Variants in PDS5A observed in about 807,000 individuals in gnomAD.
PDS5A encodes the protein sister chromatid cohesion protein PDS5 homolog A.
In PDS5A, 42 loss-of-function variants were observed where a neutral mutation model predicts 167.1. That is an observed-to-expected ratio of 0.25 (90% CI 0.20 to 0.33). PDS5A has a LOEUF of 0.33. Among genes scored for constraint, PDS5A ranks in the 10% least tolerant of loss-of-function variants. The pLI is 1.00. For synonymous variants in PDS5A, 553 were observed against 554.6 expected, an observed-to-expected ratio of 1.00 and a Z score of 0.04; for missense variants, 1,033 against 1,605.9, an observed-to-expected ratio of 0.64 and a Z score of 6.10.
chr4:39,870,975 C>T (rs991856112), intron 21 of PDS5A, among the ~76,000 whole-genome samples: 1 of 152,078 alleles, frequency 6.6e-6, no homozygotes, highest in Non-Finnish European at 1.5e-5. Flanking sequence ...TATAAAAGAA[C>T]ACTGCTTAGC....
At chr4:39,973,700 G>T in intron 2 of PDS5A, 2 of 1,289,620 alleles carry the variant, frequency 1.6e-6, no homozygotes, top group South Asian at 2.4e-5. Flanking sequence ...AAAGAAGAGT[G>T]CCAGGCTCAC....
In PDS5A at chr4:39,974,335, T is replaced by C. The variant is rs1282604264; in HGVS notation, c.138+2105A>G. ...TGTCAACAGAGCGGTTGCTAACACA[T>C]CAACTTTCCATTTTTTAACCAAATT... is the stretch of plus-strand genomic sequence containing the variant. On this transcript the variant is annotated intron_variant, in intron 2 of 32. Transcript: ENST00000303538. The C allele has an allele frequency of 6.2e-6, 3 of 483,548 alleles. No individual in the cohort carries two copies. The East Asian group carries it at 1.7e-4, about 27-fold the overall frequency. 30.0% of individuals were successfully genotyped at this position (483,548 alleles called of 1,614,324 possible).
intron 2 of PDS5A, among the ~76,000 whole-genome samples, chr4:39,958,688 C>G (rs983706135): frequency 6.6e-6 from 1 of 151,346 alleles, no homozygotes; most frequent in Non-Finnish European, 1.5e-5. Context: ...AATCTCTGCT[C>G]ACTGCAACCT....
At chr4:39,969,989 C>T (rs1433204890) in intron 2 of PDS5A, among the ~76,000 whole-genome samples, 13 of 149,798 alleles carry the variant, frequency 8.7e-5, no homozygotes, top group South Asian at 2.1e-4. Context: ...GACAGAGTCT[C>T]GCCCTGTTGC....
At position 39,849,682 on chromosome 4, in the gene PDS5A, C is replaced by T. The variant is rs764721974; in HGVS notation, c.3087-30G>A. On this transcript the variant is annotated intron_variant, in intron 26 of 32. Transcript: ENST00000303538. Reference sequence around the variant, plus strand: ...ATGTAAACATATTAAAGAGACTAGACGTAGATAGATGCTTTAGCTTAAAGC... The same window carrying T: ...ATGTAAACATATTAAAGAGACTAGATGTAGATAGATGCTTTAGCTTAAAGC... 45 of 1,540,762 alleles carry T rather than the reference C, an allele frequency of 2.9e-5. No individual in the cohort carries two copies. The South Asian group carries it at 3.4e-4, about 12-fold the overall frequency.
At chr4:39,970,622 A>T (rs1464821225) in intron 2 of PDS5A, among the ~76,000 whole-genome samples, 1 of 151,724 alleles carries the variant, frequency 6.6e-6, no homozygotes. Context: ...ATATGGCGTT[A>T]TTGCCCCTGC....
chr4:39,855,216 G>T (rs1163893498), intron 26 of PDS5A, among the ~76,000 whole-genome samples: 2 of 152,262 alleles, frequency 1.3e-5, no homozygotes, highest in African/African-American at 4.8e-5. Context: ...ACAGTGAAGG[G>T]AATCTATGTC....
intron 32 of PDS5A, among the ~76,000 whole-genome samples, chr4:39,833,960 T>C (rs1716157222): frequency 6.6e-6 from 1 of 152,170 alleles, no homozygotes; most frequent in African/African-American, 2.4e-5. Flanking sequence ...ATAGAAAGTC[T>C]AGACAAGTAC....
chr4:39,957,116 G>T (rs892607847), intron 2 of PDS5A, among the ~76,000 whole-genome samples: 4 of 152,094 alleles, frequency 2.6e-5, no homozygotes, highest in African/African-American at 9.7e-5. Context: ...TTATTCTATA[G>T]TGGCTACGTG....
At position 39,825,489 on chromosome 4, in the gene PDS5A, C is replaced by A; in HGVS notation, c.4011-1G>T. On this transcript the variant is annotated splice_acceptor_variant, in intron 32 of 32. Coordinates refer to ENST00000303538, the MANE Select transcript of PDS5A (RefSeq NM_001100399.2). LOFTEE classifies it high-confidence loss of function. ...TCTCCCTTTGCAAATGCATTTTTACCTTAGGGTTAAGAATAGAACGCAAAG... is the reference window on the plus strand; with the variant it reads ...TCTCCCTTTGCAAATGCATTTTTACATTAGGGTTAAGAATAGAACGCAAAG... 6.3e-7 allele frequency: 1 copy of A among 1,578,078 alleles called. No individual in the cohort carries two copies. Among genetic ancestry groups the A allele is most frequent in the Non-Finnish European group, 8.6e-7 (1 of 1,158,850 alleles).
chr4:39,945,826 AAAC>A (rs1227847528), intron 2 of PDS5A, among the ~76,000 whole-genome samples: 8 of 152,182 alleles, frequency 5.3e-5, no homozygotes, highest in Admixed American at 4.6e-4. Flanking sequence ...TAAAATGATC[AAAC>A]ATTATGTAAG....
At chr4:39,902,273 C>T in intron 13 of PDS5A, 74 bp downstream of exon 13, 1 of 664,270 alleles carries the variant, frequency 1.5e-6, no homozygotes, top group Non-Finnish European at 2.6e-6. Flanking sequence ...CAATCAATAA[C>T]AACTAATTAG....
chr4:39,834,307 CTTG>C (rs1486561510), intron 32 of PDS5A, among the ~76,000 whole-genome samples: 2 of 152,076 alleles, frequency 1.3e-5, no homozygotes, highest in Non-Finnish European at 2.9e-5. Context: ...AGGCATTTTG[CTTG>C]TTGAGTTTCT....
At chr4:39,943,740 G>C (rs1402401507) in intron 2 of PDS5A, among the ~76,000 whole-genome samples, 1 of 151,924 alleles carries the variant, frequency 6.6e-6, no homozygotes, top group Non-Finnish European at 1.5e-5. Flanking sequence ...CTGGGAGGCG[G>C]CGGTTGCAGT....
rs376190459 is a variant in PDS5A, at chr4:39,923,638, A to AACACACACACACAAACAC, written c.528-891_528-890insGTGTTTGTGTGTGTGTGT. Among the ~76,000 whole-genome samples, 617 of 125,278 alleles carry AACACACACACACAAACAC rather than the reference A, an allele frequency of 4.9e-3. 12 individuals are homozygous for AACACACACACACAAACAC. In the East Asian group the frequency reaches 0.091, roughly 18 times the overall value. 82.2% of individuals were successfully genotyped at this position (125,278 alleles called of 152,430 possible). Reference sequence around the variant, plus strand: ...GGGACAGACCAAGACCCTGTCTCAAAACACACACACACACACACACACACA... The same window carrying AACACACACACACAAACAC: ...GGGACAGACCAAGACCCTGTCTCAAAACACACACACACAAACACACACACACACACACACACACACACA... On this transcript the variant is annotated intron_variant, in intron 5 of 32. Transcript: ENST00000303538.
intron 2 of PDS5A, among the ~76,000 whole-genome samples, chr4:39,952,238 G>A (rs1728476534): frequency 6.6e-6 from 1 of 152,174 alleles, no homozygotes; most frequent in South Asian, 2.1e-4. Context: ...GGCCGAGGCA[G>A]GAGAACTGCT....
intron 2 of PDS5A, among the ~76,000 whole-genome samples, chr4:39,950,817 ACCT>A (rs1728280914): frequency 6.6e-6 from 1 of 151,776 alleles, no homozygotes; most frequent in Non-Finnish European, 1.5e-5. Context: ...CCAACCCCTA[ACCT>A]CAGGTAATCC....
chr4:39,964,920 G>A (rs1341741629), intron 2 of PDS5A, among the ~76,000 whole-genome samples: 1 of 152,042 alleles, frequency 6.6e-6, no homozygotes, highest in Non-Finnish European at 1.5e-5. Context: ...TCCAGCCTGG[G>A]TGACAGAAAG....
At chr4:39,955,121 C>T (rs1728803196) in intron 2 of PDS5A, among the ~76,000 whole-genome samples, 1 of 151,974 alleles carries the variant, frequency 6.6e-6, no homozygotes, top group Non-Finnish European at 1.5e-5. Context: ...TTAGAGCTCA[C>T]CCTGGCCAAA....
Sources: allele counts gnomAD v4.1 joint callset (sites outside exome capture counted in the v4.1 genomes callset), GRCh38; gene constraint gnomAD v4.1.1; transcripts MANE v1.5; gene names NCBI Gene and HGNC (gene_info 2026-07-23, HGNC 2026-07-21).